Variants in HIVEP3 observed in about 807,000 individuals in gnomAD.
The protein encoded by HIVEP3 is HIVEP zinc finger 3.
Under a neutral mutation model 152.8 loss-of-function variants are expected in HIVEP3, and 49 were observed. That is an observed-to-expected ratio of 0.32 (90% confidence interval 0.26 to 0.41). The LOEUF is 0.41. HIVEP3 is among the 10% of genes least tolerant of loss of function. The pLI, the probability that HIVEP3 is intolerant of heterozygous loss-of-function variation, is 1.00. For missense variants in HIVEP3, 2,790 were observed against 3,103.3 expected, an observed-to-expected ratio of 0.90 and a Z score of 2.40; for synonymous variants, 1,269 against 1,289.0, an observed-to-expected ratio of 0.98 and a Z score of 0.33.
At chr1:41,587,696 C>G (rs55935351) in intron 3 of HIVEP3, among the ~76,000 whole-genome samples, 4,003 of 152,270 alleles carry the variant, frequency 0.026, 197 homozygotes, top group African/African-American at 0.09. Flanking sequence ...ATTCCTCTCA[C>G]TTGACAGAAG....
At chr1:41,541,237 C>T (rs1643524396) in intron 5 of HIVEP3, among the ~76,000 whole-genome samples, 1 of 152,176 alleles carries the variant, frequency 6.6e-6, no homozygotes, top group Non-Finnish European at 1.5e-5. Context: ...TACTATTACA[C>T]CTCCCAGCTG....
intron 1 of HIVEP3, among the ~76,000 whole-genome samples, chr1:41,788,570 G>A (rs1385543290): frequency 1.3e-5 from 2 of 152,030 alleles, no homozygotes; most frequent in Non-Finnish European, 2.9e-5. Flanking sequence ...TGGGACCCGG[G>A]CAAGCCCATT....
chr1:41,644,684 A>G (rs984512397), intron 2 of HIVEP3, among the ~76,000 whole-genome samples: 2 of 139,766 alleles, frequency 1.4e-5, no homozygotes, highest in African/African-American at 5.3e-5. Flanking sequence ...GCACACTTGC[A>G]TATCTGTTCT....
chr1:41,532,908 C>G (rs1319580232), intron 5 of HIVEP3, among the ~76,000 whole-genome samples: 3 of 152,152 alleles, frequency 2.0e-5, no homozygotes, highest in Non-Finnish European at 4.4e-5. Context: ...ACCTGGGTGG[C>G]ACCCAAATTC....
chr1:41,822,835 A>G (rs1268164653), intron 1 of HIVEP3, among the ~76,000 whole-genome samples: 13 of 152,204 alleles, frequency 8.5e-5, no homozygotes, highest in Non-Finnish European at 1.5e-5. Context: ...ACAGCTGCAG[A>G]ATGCGGCAGG....
chr1:41,858,759 A>T (rs569309114), intron 1 of HIVEP3, among the ~76,000 whole-genome samples: 1 of 152,328 alleles, frequency 6.6e-6, no homozygotes, highest in East Asian at 1.9e-4. Context: ...ATGTTAAGTG[A>T]TGGAGAATGT....
chr1:41,737,319 T>C (rs1275857364), intron 1 of HIVEP3, among the ~76,000 whole-genome samples: 4 of 152,236 alleles, frequency 2.6e-5, no homozygotes, highest in Non-Finnish European at 5.9e-5. Context: ...ACTTGACCGA[T>C]ACTCTTGCCG....
chr1:41,536,763 T>C (rs1643411322), intron 5 of HIVEP3, among the ~76,000 whole-genome samples: 1 of 152,236 alleles, frequency 6.6e-6, no homozygotes. Flanking sequence ...CGATTTTAAA[T>C]GCTTTACATG....
intron 1 of HIVEP3, among the ~76,000 whole-genome samples, chr1:41,994,710 T>C (rs1320336741): frequency 1.3e-5 from 2 of 152,178 alleles, no homozygotes; most frequent in African/African-American, 4.8e-5. Flanking sequence ...CTTCATAAAT[T>C]ACCCAGTCTC....
intron 1 of HIVEP3, among the ~76,000 whole-genome samples, chr1:41,712,622 A>G (rs918252149): frequency 6.6e-6 from 1 of 152,190 alleles, no homozygotes; most frequent in African/African-American, 2.4e-5. Context: ...TGCCCTTCTG[A>G]GTGAAGAGGG....
chr1:42,013,227 A>G (rs192240410), intron 1 of HIVEP3, among the ~76,000 whole-genome samples: 1 of 152,270 alleles, frequency 6.6e-6, no homozygotes, highest in East Asian at 1.9e-4. Flanking sequence ...TTTTATAAGC[A>G]TATCAGTCAT....
intron 1 of HIVEP3, among the ~76,000 whole-genome samples, chr1:41,914,153 T>C (rs1303881570): frequency 2.6e-5 from 4 of 152,220 alleles, no homozygotes; most frequent in Non-Finnish European, 4.4e-5. Flanking sequence ...ACTTCCATTG[T>C]TGTCCTGCCT....
chr1:41,564,787 T>C (rs939664624), intron 5 of HIVEP3, among the ~76,000 whole-genome samples: 13 of 152,342 alleles, frequency 8.5e-5, no homozygotes, highest in African/African-American at 3.1e-4. Context: ...CACTGAAGGA[T>C]GGTCTCTGTA....
chr1:41,562,856 C>A (rs72669044), intron 5 of HIVEP3, among the ~76,000 whole-genome samples: 30 of 152,016 alleles, frequency 2.0e-4, no homozygotes, highest in Admixed American at 2.0e-3. Context: ...GTGGAGGGAA[C>A]CAAGGTAAGG....
At position 41,998,887 on chromosome 1, in the gene HIVEP3, C is replaced by CTTTTTT. The variant is rs1184823372; in HGVS notation, n.119+36919_119+36920insAAAAAA. Among the ~76,000 whole-genome samples the CTTTTTT allele has an allele frequency of 6.5e-3, 503 of 77,222 alleles. 16 individuals carry two copies. Among genetic ancestry groups the CTTTTTT allele is most frequent in the East Asian group, 0.01 (16 of 1,590 alleles). The allele number at this position is 77,222 out of a possible 152,430, so 50.7% of individuals were successfully genotyped here. A position where few individuals can be genotyped will look rare whatever the true frequency, so the allele number is the denominator to read the frequency against. ...GCTGGTTTTTAATACTTTTCTCTCT[C>CTTTTTT]TCTTTTTTTTTTTTTTTTTTTTTTT... On this transcript the variant is annotated intron_variant and non_coding_transcript_variant, in intron 1 of 3. Coordinates refer to the HIVEP3 transcript ENST00000489103.
chr1:41,729,010 C>T (rs1413208151), intron 1 of HIVEP3, among the ~76,000 whole-genome samples: 1 of 152,196 alleles, frequency 6.6e-6, no homozygotes, highest in Non-Finnish European at 1.5e-5. Context: ...CAATCTCGCT[C>T]TCAGTCACCA....
At chr1:41,974,675 C>A (rs1377996125) in intron 1 of HIVEP3, among the ~76,000 whole-genome samples, 1 of 152,054 alleles carries the variant, frequency 6.6e-6, no homozygotes, top group Non-Finnish European at 1.5e-5. Flanking sequence ...TTAGATGCAA[C>A]CTCCTCCAGG....
intron 3 of HIVEP3, among the ~76,000 whole-genome samples, chr1:41,606,498 G>A (rs1644824141): frequency 6.6e-6 from 1 of 151,966 alleles, no homozygotes; most frequent in Non-Finnish European, 1.5e-5. Flanking sequence ...ATCATTGCCT[G>A]CGAAGCCACT....
chr1:41,985,721 G>A (rs1303358137), intron 1 of HIVEP3, among the ~76,000 whole-genome samples: 1 of 152,154 alleles, frequency 6.6e-6, no homozygotes, highest in African/African-American at 2.4e-5. Context: ...ATCTGGGGGC[G>A]AGGAACAGCA....
Sources: gnomAD v4.1 joint callset for allele counts (sites outside exome capture counted in the v4.1 genomes callset) on GRCh38, gnomAD v4.1.1 for gene constraint, MANE v1.5 for transcripts, NCBI Gene and HGNC (gene_info 2026-07-23, HGNC 2026-07-21) for gene names.